Variants in PPARG observed in about 807,000 individuals in gnomAD.
The protein encoded by PPARG is peroxisome proliferator activated receptor gamma.
A neutral mutation model predicts 39.2 loss-of-function variants in PPARG; 17 were observed. That is an observed-to-expected ratio of 0.43 (90% CI 0.30 to 0.65). The LOEUF is 0.65. Among genes scored for constraint, PPARG ranks in the 30% least tolerant of loss-of-function variants. PPARG has a pLI of 0.13. For synonymous variants in PPARG, 223 were observed against 215.7 expected, an observed-to-expected ratio of 1.03 and a Z score of -0.30; for missense variants, 406 against 585.9, an observed-to-expected ratio of 0.69 and a Z score of 3.17.
chr3:12,335,280 G>A lies in PPARG; in HGVS notation c.-9+22827G>A, dbSNP rs145165700. Among the ~76,000 whole-genome samples, 790 of 152,240 alleles carry A rather than the reference G, an allele frequency of 5.2e-3. 6 individuals are homozygous for A. Among genetic ancestry groups the A allele is most frequent in the African/African-American group, 0.018 (744 of 41,536 alleles). ...GAATATAATCATTTCAATAGCTAAG[G>A]CTTATGGTTAAGACTTCCAAAGTGT... On this transcript the variant is annotated intron_variant, in intron 2 of 7. Coordinates refer to ENST00000651735, the MANE Select transcript of PPARG (RefSeq NM_138711.6).
intron 7 of PPARG, among the ~76,000 whole-genome samples, chr3:12,430,326 T>C (rs903902218): frequency 5.3e-5 from 8 of 152,210 alleles, no homozygotes; most frequent in African/African-American, 1.9e-4. Flanking sequence ...GCTTCCTGTG[T>C]TTCCACTGGT....
rs970466429 is a variant in PPARG, at chr3:12,427,176, G to C, written c.1181-6722G>C. 2.0e-5 allele frequency among the ~76,000 whole-genome samples: 3 copies of C among 152,236 alleles called. 1 individual carries two copies. Among genetic ancestry groups the C allele is most frequent in the African/African-American group, 7.2e-5 (3 of 41,464 alleles). ...TTCCTATCGGTAGGATGGTGGGAAGGAATTGCTATAGGCCACACCATGATA... is the reference window on the plus strand; with the variant it reads ...TTCCTATCGGTAGGATGGTGGGAAGCAATTGCTATAGGCCACACCATGATA... On this transcript the variant is annotated intron_variant, in intron 7 of 7. Transcript: ENST00000651735.
At chr3:12,362,232 G>A (rs9883281) in intron 2 of PPARG, among the ~76,000 whole-genome samples, 1,844 of 152,132 alleles carry the variant, frequency 0.012, 51 homozygotes, top group African/African-American at 0.043. Flanking sequence ...TAAAAACACA[G>A]TCTGCCTAAC....
chr3:12,342,037 T>C (rs1288569107), intron 2 of PPARG, among the ~76,000 whole-genome samples: 2 of 152,180 alleles, frequency 1.3e-5, no homozygotes, highest in African/African-American at 2.4e-5. Context: ...ATGAGACATA[T>C]CACCATTCTA....
intron 2 of PPARG, chr3:12,371,975 T>C: frequency 1.4e-6 from 1 of 716,212 alleles, no homozygotes; most frequent in African/African-American, 1.7e-5. Context: ...ATGGGCTGGA[T>C]AAACAAGTTG....
At chr3:12,415,265 C>T (rs1372735448) in intron 6 of PPARG, among the ~76,000 whole-genome samples, 2 of 152,164 alleles carry the variant, frequency 1.3e-5, no homozygotes, top group South Asian at 2.1e-4. Flanking sequence ...GAATTTCCTC[C>T]GGAGAAGAGA....
chr3:12,369,399 G>A (rs941301078), intron 2 of PPARG, among the ~76,000 whole-genome samples: 1 of 152,130 alleles, frequency 6.6e-6, no homozygotes, highest in African/African-American at 2.4e-5. Context: ...GGCTGAAGTT[G>A]GAGGATTTCT....
chr3:12,402,148 C>G (rs939843819), intron 5 of PPARG, among the ~76,000 whole-genome samples: 5 of 152,118 alleles, frequency 3.3e-5, no homozygotes, highest in African/African-American at 9.7e-5. Context: ...GAGCTTAGAA[C>G]CATGCCTGGC....
intron 5 of PPARG, among the ~76,000 whole-genome samples, chr3:12,404,076 C>A (rs1339238925): frequency 6.6e-6 from 1 of 152,076 alleles, no homozygotes; most frequent in Non-Finnish European, 1.5e-5. Context: ...AACAACCATA[C>A]CCCAGCCCCA....
chr3:12,287,853 G>GCCCGCGCCCGCC (rs1162768472), upstream of PPARG: 1 of 109,022 alleles, frequency 9.2e-6, no homozygotes, highest in African/African-American at 3.2e-5. Flanking sequence ...CCCAGCCGGC[G>GCCCGCGCCCGCC]CCCGCGCCCG....
At chr3:12,340,473 T>C (rs1409658795) in intron 2 of PPARG, among the ~76,000 whole-genome samples, 1 of 152,228 alleles carries the variant, frequency 6.6e-6, no homozygotes, top group African/African-American at 2.4e-5. Flanking sequence ...AAGTTACTTC[T>C]TGTCCAAGTT....
intron 7 of PPARG, among the ~76,000 whole-genome samples, chr3:12,430,283 A>G (rs1372671491): frequency 2.0e-5 from 3 of 152,238 alleles, no homozygotes; most frequent in South Asian, 2.1e-4. Flanking sequence ...TGGCCAGAAC[A>G]GCCTTCTCGC....
At chr3:12,414,724 A>C (rs2125279297) in intron 6 of PPARG, among the ~76,000 whole-genome samples, 1 of 152,168 alleles carries the variant, frequency 6.6e-6, no homozygotes, top group Admixed American at 6.5e-5. Context: ...AAGGAAAGAA[A>C]CCACCCAAGC....
At chr3:12,294,889 G>C (rs570540027) in intron 1 of PPARG, among the ~76,000 whole-genome samples, 1 of 152,254 alleles carries the variant, frequency 6.6e-6, no homozygotes, top group Admixed American at 6.5e-5. Context: ...GTGAAACTCT[G>C]TCTCGAAATA....
chr3:12,290,610 T>G (rs960904602), intron 1 of PPARG, among the ~76,000 whole-genome samples: 6 of 152,088 alleles, frequency 3.9e-5, no homozygotes, highest in South Asian at 2.1e-4. Flanking sequence ...AGGTGTGACA[T>G]GAGGAATATG....
intron 2 of PPARG, among the ~76,000 whole-genome samples, chr3:12,318,623 ACTT>A (rs2047451954): frequency 6.6e-6 from 1 of 152,180 alleles, no homozygotes; most frequent in Non-Finnish European, 1.5e-5. Flanking sequence ...TTTATTCTCA[ACTT>A]TCTGTTTGGG....
At chr3:12,319,873 A>T (rs541444944) in intron 2 of PPARG, among the ~76,000 whole-genome samples, 1 of 152,286 alleles carries the variant, frequency 6.6e-6, no homozygotes, top group Admixed American at 6.5e-5. Flanking sequence ...AGTAAGATCA[A>T]ATATATAAAG....
intron 5 of PPARG, among the ~76,000 whole-genome samples, chr3:12,398,022 T>G (rs952610637): frequency 9.2e-5 from 14 of 152,208 alleles, no homozygotes; most frequent in Non-Finnish European, 1.9e-4. Flanking sequence ...AAATTCTTCC[T>G]GACATTCAAG....
chr3:12,401,873 A>G (rs2050487414), intron 5 of PPARG, among the ~76,000 whole-genome samples: 1 of 152,228 alleles, frequency 6.6e-6, no homozygotes, highest in African/African-American at 2.4e-5. Context: ...GGGAACTTCA[A>G]CTTACAAAAA....
Sources: allele counts gnomAD v4.1 joint callset (sites outside exome capture counted in the v4.1 genomes callset), GRCh38; gene constraint gnomAD v4.1.1; transcripts MANE v1.5; gene names NCBI Gene and HGNC (gene_info 2026-07-23, HGNC 2026-07-21).